GRIN2D: variants seen among roughly 807,000 people sequenced by gnomAD.
GRIN2D encodes the protein glutamate ionotropic receptor NMDA type subunit 2D.
GRIN2D carries 37 observed loss-of-function variants against 103.2 expected under a neutral mutation model. That is an observed-to-expected ratio of 0.36 (90% CI 0.28 to 0.47). GRIN2D has a LOEUF of 0.47. Among genes scored for constraint, GRIN2D ranks in the 20% least tolerant of loss-of-function variants. The pLI is 1.00. For synonymous variants in GRIN2D, 845 were observed against 885.6 expected (o/e 0.95, Z 0.81); for missense variants, 1,557 against 1,910.6 (o/e 0.81, Z 3.45).
intron 11 of GRIN2D, among the ~76,000 whole-genome samples, chr19:48,438,426 G>A (rs1299800852): frequency 6.7e-6 from 1 of 149,504 alleles, no homozygotes; most frequent in Non-Finnish European, 1.5e-5. Context: ...AGCCTCCTGA[G>A]TAACTGGGAC....
At chr19:48,406,885 A>G (rs1324964912) in intron 4 of GRIN2D, among the ~76,000 whole-genome samples, 1 of 152,082 alleles carries the variant, frequency 6.6e-6, no homozygotes, top group African/African-American at 2.4e-5. Flanking sequence ...CACACAGAGG[A>G]ATTAAAGCCA....
rs1046348251 is a variant in GRIN2D at position 48,414,777 on chromosome 19, C to T, written c.1413-87C>T. On this transcript the variant is annotated intron_variant, in intron 6 of 13. Transcript: ENST00000263269. The surrounding 1 kb of genome is among the most constrained non-coding windows in gnomAD (Gnocchi z 4.6). ...AAGCGCTAACCATAGTTTTAGCTGCCGCCTATCCCTTCCTCCATATCCTCT... is the reference window on the plus strand; with the variant it reads ...AAGCGCTAACCATAGTTTTAGCTGCTGCCTATCCCTTCCTCCATATCCTCT... 5.6e-6 allele frequency: 8 copies of T among 1,440,592 alleles called. No homozygotes were observed. In the African/African-American group the frequency reaches 1.1e-4, roughly 20 times the overall value. The allele number at this position is 1,440,592 out of a possible 1,614,324, so 89.2% of individuals were successfully genotyped here.
At chr19:48,396,184 G>C (rs1156911944) in intron 2 of GRIN2D, among the ~76,000 whole-genome samples, 1 of 151,996 alleles carries the variant, frequency 6.6e-6, no homozygotes, top group African/African-American at 2.4e-5. Context: ...GAGGCGGGGG[G>C]AGCGGGGGGT....
At chr19:48,422,188 T>G (rs188174147) in intron 11 of GRIN2D, among the ~76,000 whole-genome samples, 4 of 152,278 alleles carry the variant, frequency 2.6e-5, no homozygotes, top group Non-Finnish European at 5.9e-5. Flanking sequence ...GGCTCAAATC[T>G]TTGCTCTTCC....
intron 11 of GRIN2D, among the ~76,000 whole-genome samples, chr19:48,432,255 A>T (rs914468383): frequency 1.4e-5 from 2 of 139,008 alleles, no homozygotes; most frequent in Middle Eastern, 4.0e-3. Context: ...GGTTCTCATT[A>T]TGTTTTCCAG....
intron 11 of GRIN2D, among the ~76,000 whole-genome samples, chr19:48,430,574 C>T (rs1971143762): frequency 6.6e-6 from 1 of 152,212 alleles, no homozygotes; most frequent in Non-Finnish European, 1.5e-5. Context: ...CTCAGCCTCC[C>T]AAAGTGTTGG....
intron 10 of GRIN2D, among the ~76,000 whole-genome samples, chr19:48,420,724 G>T (rs1971013016): frequency 6.6e-6 from 1 of 152,134 alleles, no homozygotes; most frequent in South Asian, 2.1e-4. Flanking sequence ...TACTTGGGAG[G>T]CTGAGGCAGG....
In GRIN2D at chr19:48,414,431, G is replaced by C; in HGVS notation, c.1259G>C (p.Gly420Ala). Reference protein sequence around the residue: ...RLKYPLWSRYGRFLQPVDDTQ... With the variant: ...RLKYPLWSRYARFLQPVDDTQ... ...AAGTACCCGCTGTGGTCCCGCTATG[G>C]TCGCTTCCTGCAGCCAGTGGACGAC... The change falls in exon 6 of 14, where the codon GGT becomes GCT. Residue 420 changes from glycine (G) to alanine (A), a missense_variant. By Grantham distance (60) the Gly-to-Ala change is moderately conservative. Around this residue, in one of 7 missense-constraint regions of GRIN2D, gnomAD observed 490 missense variants for 601.1 expected, o/e 0.82. Transcript: ENST00000263269. This position sits in a 1 kb window ranked among gnomAD's most constrained non-coding sequence, Gnocchi z 4.6. The C allele has an allele frequency of 6.2e-7, 1 of 1,610,030 alleles. No homozygotes were observed.
In GRIN2D at chr19:48,414,255, C is replaced by T. The variant is rs1970914110; in HGVS notation, c.1201-118C>T. 6 of 969,678 alleles carry T rather than the reference C, an allele frequency of 6.2e-6. No individual in the cohort carries two copies. Among genetic ancestry groups the T allele is most frequent in the African/African-American group, 1.6e-5 (1 of 62,052 alleles). The allele number at this position is 969,678 out of a possible 1,614,324, so 60.1% of individuals were successfully genotyped here. ...TGGGATCTGAAGGTGGGAGGGGCTC[C>T]TGGGTCTTGGAAGAAGCTGCTGCCC... is the stretch of plus-strand genomic sequence containing the variant. On this transcript the variant is annotated intron_variant, in intron 5 of 13. Transcript: ENST00000263269. This position sits in a 1 kb window ranked among gnomAD's most constrained non-coding sequence, Gnocchi z 4.6.
At chr19:48,420,053 C>G (rs1005652417) in intron 10 of GRIN2D, among the ~76,000 whole-genome samples, 1 of 152,036 alleles carries the variant, frequency 6.6e-6, no homozygotes, top group Non-Finnish European at 1.5e-5. Context: ...GAGGGTGTCC[C>G]TGAATGTTCT....
At chr19:48,438,152 T>A (rs1030209062) in intron 11 of GRIN2D, among the ~76,000 whole-genome samples, 1 of 152,030 alleles carries the variant, frequency 6.6e-6, no homozygotes, top group African/African-American at 2.4e-5. Context: ...TGTGAGTGCG[T>A]GGACAGGGTT....
At chr19:48,428,816 T>G (rs1643492) in intron 11 of GRIN2D, among the ~76,000 whole-genome samples, 144,829 of 152,194 alleles carry the variant, frequency 0.95, 69,187 homozygotes, top group African/African-American at 0.99. Flanking sequence ...GTGAATTTGG[T>G]GAGGGAACAC....
At position 48,393,955 on chromosome 19, in the gene GRIN2D, GGTCT is replaced by G. The variant is rs1296745884; in HGVS notation, c.-306+98_-306+101del. On this transcript the variant is annotated intron_variant, in intron 1 of 13. Coordinates refer to ENST00000263269, the MANE Select transcript of GRIN2D (RefSeq NM_000836.4). This position sits in a 1 kb window ranked among gnomAD's most constrained non-coding sequence, Gnocchi z 5.6. Reference sequence around the variant, plus strand: ...CGCTGCGGCGGCGGAGGGAGGGAGGGGTCTGTCTGTCTGTACCGACCCTGAGCTG... The same window carrying G: ...CGCTGCGGCGGCGGAGGGAGGGAGGGGTCTGTCTGTACCGACCCTGAGCTG... Among the ~76,000 whole-genome samples, 2 of 152,088 alleles carry G rather than the reference GGTCT, an allele frequency of 1.3e-5. No homozygotes were observed. The highest frequency in any genetic ancestry group is 2.1e-4 in the South Asian group (1 of 4,810).
chr19:48,414,470 C>A lies in GRIN2D; in HGVS notation c.1298C>A (p.Thr433Lys), dbSNP rs1193133933. Residue 433 changes from threonine (T) to lysine (K), a missense_variant, in exon 6 of 14, where the codon ACG (threonine) becomes AAG (lysine). Coordinates refer to ENST00000263269, the MANE Select transcript of GRIN2D (RefSeq NM_000836.4). This position sits in a 1 kb window ranked among gnomAD's most constrained non-coding sequence, Gnocchi z 4.6. ...LQPVDDTQHL[T>K]VATLEERPFV... The stretch of plus-strand genomic sequence containing the variant: ...CCAGTGGACGACACGCAGCACCTCA[C>A]GGTGGCCACGCTGGAGGAAAGGCCG... The A allele has an allele frequency of 6.2e-7, 1 of 1,603,034 alleles. No individual in the cohort carries two copies. The highest frequency in any genetic ancestry group is 2.2e-5 in the East Asian group (1 of 44,480).
rs950536808 is a variant in GRIN2D at position 48,433,874 on chromosome 19, C to G, written c.2253-7895C>G. 5.3e-5 allele frequency among the ~76,000 whole-genome samples: 8 copies of G among 152,076 alleles called. No homozygotes were observed. In the East Asian group the frequency reaches 1.3e-3, roughly 26 times the overall value. ...TCTTTTCTGTGTTAATGGAATCCTA[C>G]TTCTCAGCTCCAGTGTCTGGGCCAT... On this transcript the variant is annotated intron_variant, in intron 11 of 13. Coordinates refer to ENST00000263269, the MANE Select transcript of GRIN2D (RefSeq NM_000836.4).
At chr19:48,413,667 A>G in intron 4 of GRIN2D, among the ~76,000 whole-genome samples, 1 of 149,364 alleles carries the variant, frequency 6.7e-6, no homozygotes, top group Admixed American at 6.7e-5. Flanking sequence ...GTCTCAAAAA[A>G]AAAAAAAAAA....
chr19:48,410,146 G>A (rs374367815), intron 4 of GRIN2D, among the ~76,000 whole-genome samples: 2 of 151,310 alleles, frequency 1.3e-5, no homozygotes, highest in Non-Finnish European at 2.9e-5. Flanking sequence ...CAGGGGAAAC[G>A]AGCATATGCA....
intron 3 of GRIN2D, among the ~76,000 whole-genome samples, chr19:48,402,048 C>T (rs1196726384): frequency 3.3e-5 from 5 of 150,686 alleles, no homozygotes; most frequent in Non-Finnish European, 7.4e-5. Flanking sequence ...TGCAGTGAGG[C>T]GAGATCTCGC....
chr19:48,443,013 G>T lies in GRIN2D; in HGVS notation c.3087G>T (p.Ser1029=). The T allele has an allele frequency of 9.4e-7, 1 of 1,063,802 alleles. No individual in the cohort carries two copies. The highest frequency in any genetic ancestry group is 5.5e-5 in the Admixed American group (1 of 18,218). The allele number at this position is 1,063,802 out of a possible 1,614,324, so 65.9% of individuals were successfully genotyped here. ...CCGGCGCCTTCCCCGGCTTCCCGTC[G>T]CCGCCCGCGCCCCCCGCCGCCGCGG... The part of the protein sequence containing the change: ...PPAGAFPGFP[S]PPAPPAAAAT... The change falls in exon 14 of 14, where the codon TCG becomes TCT. Residue 1029 remains serine, a synonymous_variant. Transcript: ENST00000263269. This position sits in a 1 kb window ranked among gnomAD's most constrained non-coding sequence, Gnocchi z 8.9.
Sources: gnomAD v4.1 joint callset for allele counts (sites outside exome capture counted in the v4.1 genomes callset) on GRCh38, gnomAD v4.1.1 for gene constraint, gnomAD v4.1.1 regional missense constraint, Gnocchi (gnomAD v3.1) non-coding constraint, MANE v1.5 for transcripts, NCBI Gene and HGNC (gene_info 2026-07-23, HGNC 2026-07-21) for gene names.